SLC13A4: variants seen among roughly 807,000 people sequenced by gnomAD.
SLC13A4 encodes Na(+)/sulfate cotransporter SUT-1.
A neutral mutation model predicts 72.7 loss-of-function variants in SLC13A4; 28 were observed. The observed-to-expected ratio is 0.39, with a 90% CI of 0.29 to 0.53. The LOEUF is 0.53. SLC13A4 is among the 20% of genes least tolerant of loss of function. The pLI, the probability that SLC13A4 is intolerant of heterozygous loss-of-function variation, is 0.78. For missense variants in SLC13A4, 653 were observed against 788.0 expected (o/e 0.83, Z 2.05); for synonymous variants, 312 against 325.5 (o/e 0.96, Z 0.45).
In SLC13A4 at chr7:135,712,461, T is replaced by TA. The variant is rs539587817; in HGVS notation, c.229-4212dup. 3.5e-3 allele frequency among the ~76,000 whole-genome samples: 432 copies of TA among 122,954 alleles called. 6 individuals are homozygous for TA. The highest frequency in any genetic ancestry group is 6.9e-3 in the East Asian group (29 of 4,190). 80.7% of individuals were successfully genotyped at this position (122,954 alleles called of 152,430 possible). ...CCTCTCTGGGCTTCATTTTCTCATC[T>TA]AAAAAAAAAAAAAAAAAAGGAAGGA... On this transcript the variant is annotated intron_variant, in intron 2 of 15. Transcript: ENST00000682651.
chr7:135,691,380 A>G, intron 12 of SLC13A4, 55 bp from the exon 13 acceptor site: 1 of 1,402,978 alleles, frequency 7.1e-7, no homozygotes, highest in Admixed American at 2.0e-5. Context: ...TGATTTGTGG[A>G]GACAGGAGCC....
chr7:135,683,511 A>T (rs1337609347), intron 15 of SLC13A4: 29 of 984,742 alleles, frequency 2.9e-5, no homozygotes, highest in Non-Finnish European at 3.4e-5. Context: ...TACTAAGTAT[A>T]GCAGCAGGTG....
chr7:135,691,095 C>T (rs1795774266), intron 13 of SLC13A4, 106 bp downstream of exon 13: 6 of 998,552 alleles, frequency 6.0e-6, no homozygotes, highest in South Asian at 1.7e-5. Context: ...ACCCAGGAGG[C>T]GGAGGTTGCA....
intron 13 of SLC13A4, among the ~76,000 whole-genome samples, chr7:135,686,273 A>ATTC (rs1795621513): frequency 6.6e-6 from 1 of 152,192 alleles, no homozygotes; most frequent in South Asian, 2.1e-4. Context: ...CTTAGTGGAG[A>ATTC]AGGTGCCTCT....
intron 1 of SLC13A4, among the ~76,000 whole-genome samples, chr7:135,727,089 C>A (rs932901880): frequency 1.3e-5 from 2 of 152,234 alleles, no homozygotes; most frequent in African/African-American, 2.4e-5. Context: ...TCGCTGGCCC[C>A]CGCTGCTGGG....
At chr7:135,709,537 G>A (rs62480969) in intron 2 of SLC13A4, among the ~76,000 whole-genome samples, 2,837 of 151,956 alleles carry the variant, frequency 0.019, 43 homozygotes, top group Middle Eastern at 0.061. Context: ...TTTTCTACGA[G>A]TAGGGATTTT....
rs1796434169 is a variant in SLC13A4, at chr7:135,716,321, T to TAATTA, written c.228+5073_228+5074insTAATT. Among the ~76,000 whole-genome samples the TAATTA allele has an allele frequency of 2.0e-5, 3 of 152,172 alleles. No homozygotes were observed. In the South Asian group the frequency reaches 6.2e-4, roughly 32 times the overall value. ...AATTTTTAAAATTAAAAAAAATTTT[T>TAATTA]TTAGATGGAGCCTAGCTCTGTCATC... On this transcript the variant is annotated intron_variant, in intron 2 of 15. Coordinates refer to ENST00000682651, the MANE Select transcript of SLC13A4 (RefSeq NM_001318192.2).
intron 2 of SLC13A4, among the ~76,000 whole-genome samples, chr7:135,717,558 G>A (rs937772427): frequency 2.0e-5 from 3 of 152,128 alleles, no homozygotes; most frequent in East Asian, 1.9e-4. Context: ...AAACTTCTCC[G>A]GGTCAGGAGC....
chr7:135,716,593 G>T (rs568578812), intron 2 of SLC13A4, among the ~76,000 whole-genome samples: 1 of 152,222 alleles, frequency 6.6e-6, no homozygotes, highest in Non-Finnish European at 1.5e-5. Context: ...GATTACAGGC[G>T]TGAGCCACAG....
chr7:135,684,843 A>G (rs1385453156), intron 14 of SLC13A4, among the ~76,000 whole-genome samples: 5 of 152,142 alleles, frequency 3.3e-5, no homozygotes, highest in Admixed American at 1.3e-4. Context: ...GTAGGAGACT[A>G]TGTTGCTGGG....
At chr7:135,685,775 G>T in intron 13 of SLC13A4, 92 bp from the exon 14 acceptor site, 1 of 1,172,208 alleles carries the variant, frequency 8.5e-7, no homozygotes, top group Non-Finnish European at 1.2e-6. Context: ...ATGTTGGAAG[G>T]CTGGACGACC....
intron 8 of SLC13A4, among the ~76,000 whole-genome samples, chr7:135,697,701 C>CCAAGTTCCT (rs1795935108): frequency 6.6e-6 from 1 of 151,906 alleles, no homozygotes; most frequent in Non-Finnish European, 1.5e-5. Context: ...CAGATGCAGT[C>CCAAGTTCCT]CAAGTTCCTC....
chr7:135,717,951 G>T (rs1584739944), intron 2 of SLC13A4, among the ~76,000 whole-genome samples: 1 of 152,104 alleles, frequency 6.6e-6, no homozygotes, highest in African/African-American at 2.4e-5. Context: ...TGGCTTCCCT[G>T]GTTCTTAGGC....
intron 15 of SLC13A4, among the ~76,000 whole-genome samples, chr7:135,681,948 A>T (rs1267167415): frequency 6.6e-6 from 1 of 152,186 alleles, no homozygotes; most frequent in African/African-American, 2.4e-5. Flanking sequence ...CCTAGAAGGT[A>T]TGTTAGTTAC....
chr7:135,706,962 G>A (rs144528918), intron 3 of SLC13A4, among the ~76,000 whole-genome samples: 4 of 152,340 alleles, frequency 2.6e-5, no homozygotes, highest in East Asian at 1.9e-4. Flanking sequence ...GTTGTGCAAT[G>A]TGTGCCTGTA....
chr7:135,701,548 T>G (rs1198830159), intron 7 of SLC13A4, 132 bp downstream of exon 7: 6 of 848,314 alleles, frequency 7.1e-6, no homozygotes, highest in East Asian at 2.7e-5. Context: ...AGGCCAGACA[T>G]GTATGAGAGT....
intron 2 of SLC13A4, among the ~76,000 whole-genome samples, chr7:135,710,446 G>T (rs73454421): frequency 0.01 from 1,542 of 152,230 alleles, 21 homozygotes; most frequent in African/African-American, 0.035. Flanking sequence ...GCTATAACAA[G>T]AAGTCAACTG....
intron 4 of SLC13A4, 43 bp downstream of exon 4, chr7:135,706,085 A>T (rs1442847141): frequency 6.5e-7 from 1 of 1,529,776 alleles, no homozygotes; most frequent in Admixed American, 1.8e-5. Flanking sequence ...ACCCCAGGGG[A>T]GGTTGGAGGA....
At chr7:135,715,775 C>T (rs958939723) in intron 2 of SLC13A4, among the ~76,000 whole-genome samples, 1 of 150,818 alleles carries the variant, frequency 6.6e-6, no homozygotes, top group African/African-American at 2.5e-5. Flanking sequence ...TTTGGAGCAA[C>T]ACATTAGAAG....
Sources: allele counts gnomAD v4.1 joint callset (sites outside exome capture counted in the v4.1 genomes callset), GRCh38; gene constraint gnomAD v4.1.1; transcripts MANE v1.5; gene names NCBI Gene and HGNC (gene_info 2026-07-23, HGNC 2026-07-21).